The following POU2F1 variants were observed in gnomAD, a reference collection of about 807,000 sequenced individuals.
POU2F1 encodes POU domain, class 2, transcription factor 1.
In POU2F1, 16 loss-of-function variants were observed where a neutral mutation model predicts 84.9. The ratio of observed to expected loss-of-function variants is 0.19; its 90% CI spans 0.13 to 0.29. The LOEUF is 0.29. Among genes scored for constraint, POU2F1 ranks in the 10% least tolerant of loss-of-function variants. POU2F1 has a pLI of 1.00. For synonymous variants in POU2F1, 368 were observed against 368.3 expected, an observed-to-expected ratio of 1.00 and a Z score of 0.01; for missense variants, 738 against 942.6, an observed-to-expected ratio of 0.78 and a Z score of 2.84.
chr1:167,271,135 G>A (rs1044523383), intron 1 of POU2F1, among the ~76,000 whole-genome samples: 11 of 152,036 alleles, frequency 7.2e-5, no homozygotes, highest in Non-Finnish European at 1.5e-4. Context: ...ATTTAAAGAG[G>A]TATCAAGTCC....
intron 9 of POU2F1, among the ~76,000 whole-genome samples, chr1:167,393,077 A>G (rs528273612): frequency 4.3e-4 from 65 of 152,356 alleles, no homozygotes; most frequent in African/African-American, 1.5e-3. Flanking sequence ...TACATTTATC[A>G]CATGTGGTAC....
chr1:167,279,030 A>G (rs973216561), intron 1 of POU2F1, among the ~76,000 whole-genome samples: 1 of 152,206 alleles, frequency 6.6e-6, no homozygotes, highest in Admixed American at 6.5e-5. Context: ...TTCAAATGCT[A>G]TTGGAACAGG....
At chr1:167,383,710 CA>C (rs1647737656) in intron 7 of POU2F1, 146 bp from the exon 8 acceptor site, 2 of 619,560 alleles carry the variant, frequency 3.2e-6, no homozygotes, top group Non-Finnish European at 5.6e-6. Context: ...GAATGTAAGG[CA>C]AATAAGATAA....
At position 167,421,250 on chromosome 1, in the gene POU2F1, T is replaced by A. The variant is rs926764364; in HGVS notation, c.*5440T>A. ...AGAATAACTGAGATCAGCTATTATA[T>A]AGGTTTGCATGGATGGTGTCCACAA... is the stretch of plus-strand genomic sequence containing the variant. On this transcript the variant is annotated 3_prime_UTR_variant, in exon 16 of 16. Transcript: ENST00000367866. The A allele has an allele frequency of 9.9e-5, 15 of 152,214 alleles. No homozygotes were observed. The highest frequency in any genetic ancestry group is 3.6e-4 in the African/African-American group (15 of 41,450). 9.4% of individuals were successfully genotyped at this position (152,214 alleles called of 1,614,324 possible). A position where few individuals can be genotyped will look rare whatever the true frequency, so the allele number is the denominator to read the frequency against.
chr1:167,309,935 T>C (rs1416644970), intron 1 of POU2F1, among the ~76,000 whole-genome samples: 1 of 152,198 alleles, frequency 6.6e-6, no homozygotes, highest in African/African-American at 2.4e-5. Flanking sequence ...GACTTTTTAC[T>C]GTTTTTAAGT....
chr1:167,274,275 A>C (rs1215983439), intron 1 of POU2F1, among the ~76,000 whole-genome samples: 2 of 152,128 alleles, frequency 1.3e-5, no homozygotes, highest in African/African-American at 4.8e-5. Context: ...GTTGCTTCTC[A>C]CCCTGTTGCT....
At chr1:167,301,177 TTCTC>T (rs35418115) in intron 1 of POU2F1, among the ~76,000 whole-genome samples, 4 of 150,436 alleles carry the variant, frequency 2.7e-5, no homozygotes, top group South Asian at 4.2e-4. Flanking sequence ...TTTATATTGG[TTCTC>T]TCTCTCTCTC....
chr1:167,378,526 C>G (rs1373044554), intron 7 of POU2F1, among the ~76,000 whole-genome samples: 1 of 151,832 alleles, frequency 6.6e-6, no homozygotes, highest in Admixed American at 6.6e-5. Flanking sequence ...CCTGTCTCAG[C>G]CTCCTGAGTA....
intron 1 of POU2F1, among the ~76,000 whole-genome samples, chr1:167,327,855 A>C (rs562386416): frequency 2.0e-4 from 31 of 152,178 alleles, no homozygotes; most frequent in Non-Finnish European, 4.0e-4. Context: ...CATTGGATAA[A>C]GTGTTTTAGT....
chr1:167,254,988 T>C (rs1438220832), intron 1 of POU2F1, among the ~76,000 whole-genome samples: 1 of 152,214 alleles, frequency 6.6e-6, no homozygotes, highest in Non-Finnish European at 1.5e-5. Flanking sequence ...AGGCAGATTA[T>C]CATCTGTTTG....
chr1:167,324,882 G>A (rs1222217633), intron 1 of POU2F1, among the ~76,000 whole-genome samples: 1 of 152,080 alleles, frequency 6.6e-6, no homozygotes, highest in Non-Finnish European at 1.5e-5. Context: ...AAGATTTTTG[G>A]TGGGGGGAGG....
intron 2 of POU2F1, among the ~76,000 whole-genome samples, chr1:167,334,710 T>C (rs1192553886): frequency 6.6e-6 from 1 of 152,222 alleles, no homozygotes; most frequent in Non-Finnish European, 1.5e-5. Context: ...CCATGTTTGA[T>C]ATATTAGATA....
intron 10 of POU2F1, 55 bp downstream of exon 10, chr1:167,396,482 T>C: frequency 1.3e-6 from 2 of 1,554,442 alleles, no homozygotes; most frequent in Non-Finnish European, 1.8e-6. Flanking sequence ...TACATGGGGA[T>C]TGTTATATAA....
rs1350271897 is a variant in POU2F1, at chr1:167,265,062, A to G, written c.61+44104A>G. Among the ~76,000 whole-genome samples, 5 of 152,162 alleles carry G rather than the reference A, an allele frequency of 3.3e-5. No homozygotes were observed. The East Asian group carries it at 5.8e-4, about 18-fold the overall frequency. On this transcript the variant is annotated intron_variant, in intron 1 of 15. Transcript: ENST00000367866. ...CCTACTTTATTTTTCTCTGACTTTC[A>G]TACTAGAATGTAAATTTCACTGGAT... is the stretch of plus-strand genomic sequence containing the variant.
rs1270436528 is a variant in POU2F1 at position 167,402,203 on chromosome 1, T to G, written c.1555+647T>G. On this transcript the variant is annotated intron_variant, in intron 13 of 15. Coordinates refer to ENST00000367866, the MANE Select transcript of POU2F1 (RefSeq NM_002697.4). ...AAAATCACTTAGCATTGTCATCAGA[T>G]GTTTTTTAGTGATACATAGTGCATA... Among the ~76,000 whole-genome samples, 6 of 152,350 alleles carry G rather than the reference T, an allele frequency of 3.9e-5. No homozygotes were observed. The East Asian group carries it at 9.6e-4, about 24-fold the overall frequency.
At chr1:167,353,383 C>A (rs1312581208) in intron 2 of POU2F1, among the ~76,000 whole-genome samples, 1 of 147,104 alleles carries the variant, frequency 6.8e-6, no homozygotes, top group Admixed American at 6.8e-5. Flanking sequence ...AAAGAAATAT[C>A]TCTCTTTACC....
chr1:167,262,362 G>A (rs1651629853), intron 1 of POU2F1, among the ~76,000 whole-genome samples: 2 of 152,238 alleles, frequency 1.3e-5, no homozygotes, highest in South Asian at 4.1e-4. Flanking sequence ...TAACTAATGA[G>A]ACCCCAGAGA....
intron 1 of POU2F1, among the ~76,000 whole-genome samples, chr1:167,303,194 C>T (rs1417712843): frequency 6.6e-6 from 1 of 151,684 alleles, no homozygotes; most frequent in Admixed American, 6.6e-5. Flanking sequence ...CCTGAGTAGG[C>T]TGTTTTATCC....
chr1:167,326,152 G>C (rs1177220372), intron 1 of POU2F1, among the ~76,000 whole-genome samples: 3 of 151,994 alleles, frequency 2.0e-5, no homozygotes, highest in African/African-American at 7.2e-5. Context: ...TCATTTATTG[G>C]CCTCTTCTCT....
Sources: gnomAD v4.1 joint callset for allele counts (sites outside exome capture counted in the v4.1 genomes callset) on GRCh38, gnomAD v4.1.1 for gene constraint, MANE v1.5 for transcripts, NCBI Gene and HGNC (gene_info 2026-07-23, HGNC 2026-07-21) for gene names.